Variants in AUTS2 observed in about 807,000 individuals in gnomAD.
The protein encoded by AUTS2 is autism susceptibility gene 2 protein.
In AUTS2, 17 loss-of-function variants were observed where a neutral mutation model predicts 112.4. The observed-to-expected ratio is 0.15, with a 90% CI of 0.10 to 0.23. The LOEUF is 0.23. Among genes scored for constraint, AUTS2 ranks in the 10% least tolerant of loss-of-function variants. The pLI is 1.00. For missense variants in AUTS2, 1,510 were observed against 1,701.6 expected (o/e 0.89, Z 1.98); for synonymous variants, 751 against 702.7 (o/e 1.07, Z -1.09).
At chr7:70,786,422 T>A (rs537034178) in intron 17 of AUTS2, among the ~76,000 whole-genome samples, 14 of 152,270 alleles carry the variant, frequency 9.2e-5, no homozygotes, top group African/African-American at 3.1e-4. Context: ...TTCGTGGAAT[T>A]GAAAAAAGCA....
chr7:69,683,661 C>G (rs1174737376), intron 1 of AUTS2, among the ~76,000 whole-genome samples: 2 of 152,026 alleles, frequency 1.3e-5, no homozygotes, highest in African/African-American at 4.8e-5. Context: ...CTTTGGGAGG[C>G]TGAGGCGGGT....
At position 70,224,530 on chromosome 7, in the gene AUTS2, A is replaced by G. The variant is rs367966132; in HGVS notation, c.660+89959A>G. 4.6e-5 allele frequency among the ~76,000 whole-genome samples: 7 copies of G among 152,192 alleles called. No homozygotes were observed. The South Asian group carries it at 6.2e-4, about 14-fold the overall frequency. On this transcript the variant is annotated intron_variant, in intron 4 of 18. Transcript: ENST00000342771. ...TTAAAAAGGATTCAAAATTTGAACA[A>G]TATATAAAGTAAAAAACATTACAGT...
intron 4 of AUTS2, among the ~76,000 whole-genome samples, chr7:70,259,549 A>T (rs1039748412): frequency 6.6e-6 from 1 of 152,170 alleles, no homozygotes; most frequent in African/African-American, 2.4e-5. Flanking sequence ...TGGTTTTGCC[A>T]GATTCTTTGC....
At chr7:69,927,537 T>C (rs1796068983) in intron 2 of AUTS2, among the ~76,000 whole-genome samples, 1 of 152,168 alleles carries the variant, frequency 6.6e-6, no homozygotes, top group South Asian at 2.1e-4. Context: ...TTGCCTCTGC[T>C]TCAGTTTTTC....
intron 2 of AUTS2, among the ~76,000 whole-genome samples, chr7:70,033,804 T>C (rs1227100318): frequency 6.6e-6 from 1 of 151,978 alleles, no homozygotes; most frequent in East Asian, 1.9e-4. Flanking sequence ...TTATTCAAAG[T>C]TGGGAGACGT....
At chr7:70,206,402 T>A (rs1242638566) in intron 4 of AUTS2, among the ~76,000 whole-genome samples, 1 of 152,162 alleles carries the variant, frequency 6.6e-6, no homozygotes, top group Admixed American at 6.5e-5. Flanking sequence ...TACTTTATTG[T>A]TACATCTGTT....
At chr7:70,596,916 C>G (rs1422441690) in intron 5 of AUTS2, 2 of 152,142 alleles carry the variant, frequency 1.3e-5, no homozygotes, top group Non-Finnish European at 2.9e-5. Flanking sequence ...AAATGAGTAG[C>G]AATTAGGAGT....
intron 4 of AUTS2, among the ~76,000 whole-genome samples, chr7:70,342,520 T>C (rs1791313066): frequency 2.0e-5 from 3 of 152,170 alleles, no homozygotes; most frequent in Admixed American, 6.5e-5. Context: ...AAGTGTTCTG[T>C]ACCTGCACTG....
At chr7:69,861,345 C>G (rs138039307) in intron 1 of AUTS2, among the ~76,000 whole-genome samples, 45 of 152,214 alleles carry the variant, frequency 3.0e-4, no homozygotes, top group African/African-American at 1.0e-3. Flanking sequence ...GGGAGGATGC[C>G]ATTCTCTTTT....
chr7:69,818,594 A>G (rs1195984143), intron 1 of AUTS2, among the ~76,000 whole-genome samples: 3 of 152,220 alleles, frequency 2.0e-5, no homozygotes, highest in Non-Finnish European at 4.4e-5. Flanking sequence ...GGAGATTACC[A>G]GATACATTGG....
chr7:70,721,141 C>T (rs1786634206), intron 6 of AUTS2, among the ~76,000 whole-genome samples: 1 of 151,898 alleles, frequency 6.6e-6, no homozygotes, highest in South Asian at 2.1e-4. Context: ...GTCTTCTGCT[C>T]TACTGGGCTC....
Position 70,759,695 on chromosome 7 carries a change from C to T in AUTS2, c.743-3175C>T, listed in dbSNP as rs199770712. Among the ~76,000 whole-genome samples, 21 of 152,274 alleles carry T rather than the reference C, an allele frequency of 1.4e-4. No individual in the cohort carries two copies. The East Asian group carries it at 3.5e-3, about 25-fold the overall frequency. On this transcript the variant is annotated intron_variant, in intron 6 of 18. Coordinates refer to ENST00000342771, the MANE Select transcript of AUTS2 (RefSeq NM_015570.4). The stretch of plus-strand genomic sequence containing the variant: ...AGAAAGTCAACTCCAGTGGCCTTTC[C>T]GGGGCCTTGGGAAGCGAGCCCACGC...
chr7:70,163,060 G>A (rs1808178142), intron 4 of AUTS2, among the ~76,000 whole-genome samples: 1 of 151,958 alleles, frequency 6.6e-6, no homozygotes, highest in Non-Finnish European at 1.5e-5. Flanking sequence ...CCTTTCTTGT[G>A]ACAGGGAGGG....
chr7:69,944,099 A>G (rs1796721594), intron 2 of AUTS2, among the ~76,000 whole-genome samples: 1 of 152,180 alleles, frequency 6.6e-6, no homozygotes, highest in Non-Finnish European at 1.5e-5. Flanking sequence ...AGTTAATGGA[A>G]GTGCAAGTTT....
At chr7:70,494,335 A>G (rs1798364103) in intron 5 of AUTS2, among the ~76,000 whole-genome samples, 1 of 152,104 alleles carries the variant, frequency 6.6e-6, no homozygotes, top group Non-Finnish European at 1.5e-5. Context: ...AGACTCTGAC[A>G]GAGTTTTATG....
At chr7:70,469,253 A>G (rs1797284587) in intron 5 of AUTS2, among the ~76,000 whole-genome samples, 1 of 152,214 alleles carries the variant, frequency 6.6e-6, no homozygotes, top group Non-Finnish European at 1.5e-5. Context: ...ATGTCAGATG[A>G]TGGTAAAGAA....
At chr7:70,109,509 T>C (rs1029901746) in intron 2 of AUTS2, among the ~76,000 whole-genome samples, 1 of 152,208 alleles carries the variant, frequency 6.6e-6, no homozygotes, top group Admixed American at 6.5e-5. Context: ...TTTTTCTCTA[T>C]TGTTTAGACT....
intron 1 of AUTS2, among the ~76,000 whole-genome samples, chr7:69,694,414 T>C (rs1282334865): frequency 6.6e-6 from 1 of 152,146 alleles, no homozygotes; most frequent in African/African-American, 2.4e-5. Context: ...CCAGCCATGT[T>C]TGGGGAAAAA....
intron 5 of AUTS2, among the ~76,000 whole-genome samples, chr7:70,490,731 G>A (rs1798198116): frequency 6.6e-6 from 1 of 152,150 alleles, no homozygotes; most frequent in African/African-American, 2.4e-5. Flanking sequence ...ACAGCCCCTA[G>A]AACATAGGGG....
Sources: gnomAD v4.1 joint callset for allele counts (sites outside exome capture counted in the v4.1 genomes callset) on GRCh38, gnomAD v4.1.1 for gene constraint, MANE v1.5 for transcripts, NCBI Gene and HGNC (gene_info 2026-07-23, HGNC 2026-07-21) for gene names.